Variants in FHIT observed in about 807,000 individuals in gnomAD.
FHIT encodes the protein bis(5'-adenosyl)-triphosphatase.
FHIT carries 19 observed loss-of-function variants against 17.9 expected under a neutral mutation model. That is an observed-to-expected ratio of 1.06 (90% CI 0.74 to 1.56). FHIT has a LOEUF of 1.56. FHIT is among the 40% of genes most tolerant of loss of function. The pLI is 0.00. For missense variants in FHIT, 248 were observed against 189.2 expected (o/e 1.31, Z -1.82); for synonymous variants, 81 against 69.7 (o/e 1.16, Z -0.81).
intron 5 of FHIT, among the ~76,000 whole-genome samples, chr3:60,123,981 T>G (rs1481543999): frequency 9.0e-5 from 3 of 33,416 alleles, no homozygotes; most frequent in African/African-American, 3.5e-4. Flanking sequence ...TATATATATA[T>G]ATATATATAT....
At chr3:59,910,473 C>T (rs1464428526) in intron 8 of FHIT, among the ~76,000 whole-genome samples, 1 of 152,106 alleles carries the variant, frequency 6.6e-6, no homozygotes, top group African/African-American at 2.4e-5. Flanking sequence ...TTCACATTTC[C>T]CCCCCTTCTC....
chr3:59,948,667 A>C (rs1344069028), intron 7 of FHIT, among the ~76,000 whole-genome samples: 2 of 152,094 alleles, frequency 1.3e-5, no homozygotes, highest in African/African-American at 2.4e-5. Context: ...AAATTGTCCT[A>C]ATGTATGCAG....
chr3:60,458,523 G>A (rs1010396446), intron 5 of FHIT, among the ~76,000 whole-genome samples: 21 of 151,784 alleles, frequency 1.4e-4, no homozygotes, highest in Non-Finnish European at 3.1e-4. Context: ...CACCAACATG[G>A]CACATGTATA....
chr3:61,007,536 G>A (rs2107616443), intron 3 of FHIT, among the ~76,000 whole-genome samples: 1 of 152,270 alleles, frequency 6.6e-6, no homozygotes, highest in Admixed American at 6.5e-5. Context: ...ATTTTCATCT[G>A]TCTACCAGTT....
chr3:59,770,660 G>A (rs1415503915), intron 8 of FHIT, among the ~76,000 whole-genome samples: 1 of 152,148 alleles, frequency 6.6e-6, no homozygotes, highest in Non-Finnish European at 1.5e-5. Context: ...CATTGTTTAA[G>A]CCACCCACCC....
chr3:61,038,920 C>A (rs143293524), intron 3 of FHIT, among the ~76,000 whole-genome samples: 3 of 152,238 alleles, frequency 2.0e-5, no homozygotes, highest in Non-Finnish European at 4.4e-5. Flanking sequence ...CAAATGTGGG[C>A]CTTCATAAGC....
intron 5 of FHIT, among the ~76,000 whole-genome samples, chr3:60,206,920 CA>C (rs1335498758): frequency 6.6e-6 from 1 of 152,088 alleles, no homozygotes; most frequent in African/African-American, 2.4e-5. Flanking sequence ...TGCATTGTTT[CA>C]TGGAAACCCT....
chr3:60,727,960 C>T (rs1310723162), intron 4 of FHIT, among the ~76,000 whole-genome samples: 1 of 152,166 alleles, frequency 6.6e-6, no homozygotes, highest in Non-Finnish European at 1.5e-5. Context: ...GCCGAGATCA[C>T]GCCACCGCAC....
chr3:60,919,644 A>T (rs1472532383), intron 3 of FHIT, among the ~76,000 whole-genome samples: 1 of 152,326 alleles, frequency 6.6e-6, no homozygotes, highest in South Asian at 2.1e-4. Context: ...GAAGATAACC[A>T]ATATACAAAC....
chr3:59,983,571 A>G (rs1277968961), intron 7 of FHIT, among the ~76,000 whole-genome samples: 1 of 152,162 alleles, frequency 6.6e-6, no homozygotes, highest in Non-Finnish European at 1.5e-5. Flanking sequence ...AAAAAACAGT[A>G]CAAACAGAAT....
intron 5 of FHIT, among the ~76,000 whole-genome samples, chr3:60,023,674 G>A (rs571636837): frequency 6.6e-6 from 1 of 152,272 alleles, no homozygotes; most frequent in South Asian, 2.1e-4. Flanking sequence ...GAGAAAGGGA[G>A]AGAGGAGATT....
intron 2 of FHIT, among the ~76,000 whole-genome samples, chr3:61,044,607 A>C (rs4688465): frequency 0.73 from 109,971 of 151,646 alleles, 41,693 homozygotes; most frequent in East Asian, 0.99. Flanking sequence ...TGCAGGCCAA[A>C]ATTCAAATTC....
At chr3:60,616,240 TTTC>T (rs1264532713) in intron 4 of FHIT, among the ~76,000 whole-genome samples, 4 of 152,208 alleles carry the variant, frequency 2.6e-5, no homozygotes, top group Non-Finnish European at 5.9e-5. Context: ...CCCCAGATGT[TTTC>T]TTGTTTGTTC....
intron 4 of FHIT, among the ~76,000 whole-genome samples, chr3:60,769,308 T>C (rs1336868042): frequency 6.6e-6 from 1 of 152,116 alleles, no homozygotes; most frequent in African/African-American, 2.4e-5. Flanking sequence ...TATTTTCCCA[T>C]ACCAAGAATA....
chr3:60,541,746 G>A (rs241663), intron 4 of FHIT, among the ~76,000 whole-genome samples: 75,679 of 152,026 alleles, frequency 0.5, 19,217 homozygotes, highest in East Asian at 0.61. Context: ...AGCCAATACT[G>A]AGGCAAAGAC....
chr3:61,033,171 G>A (rs1407819492), intron 3 of FHIT, among the ~76,000 whole-genome samples: 12 of 152,176 alleles, frequency 7.9e-5, no homozygotes, highest in Admixed American at 3.3e-4. Context: ...CAGGAATAAT[G>A]AGCATATCTC....
At chr3:60,388,427 C>T (rs887389976) in intron 5 of FHIT, among the ~76,000 whole-genome samples, 4 of 152,016 alleles carry the variant, frequency 2.6e-5, no homozygotes, top group African/African-American at 4.8e-5. Flanking sequence ...TGGAAAAACC[C>T]CATCTCTACA....
chr3:60,715,625 G>T (rs1553706561), intron 4 of FHIT, among the ~76,000 whole-genome samples: 1 of 114,076 alleles, frequency 8.8e-6, no homozygotes, highest in African/African-American at 3.4e-5. Flanking sequence ...CTGTTGTGGG[G>T]TGGGGGGAGG....
intron 4 of FHIT, among the ~76,000 whole-genome samples, chr3:60,595,298 A>G (rs1327132036): frequency 6.6e-6 from 1 of 151,990 alleles, no homozygotes; most frequent in African/African-American, 2.4e-5. Context: ...GCCAACGAGG[A>G]GAAATTAGGG....
Sources: gnomAD v4.1 joint callset for allele counts (sites outside exome capture counted in the v4.1 genomes callset) on GRCh38, gnomAD v4.1.1 for gene constraint, MANE v1.5 for transcripts, NCBI Gene and HGNC (gene_info 2026-07-23, HGNC 2026-07-21) for gene names.